APP: variants seen among roughly 807,000 people sequenced by gnomAD.
APP encodes the protein amyloid beta precursor protein.
Under a neutral mutation model 101.4 loss-of-function variants are expected in APP, and 31 were observed. The observed-to-expected ratio is 0.31, with a 90% CI of 0.23 to 0.41. APP has a LOEUF of 0.41. Among genes scored for constraint, APP ranks in the 10% least tolerant of loss-of-function variants. The pLI, the probability that APP is intolerant of heterozygous loss-of-function variation, is 1.00. For synonymous variants in APP, 366 were observed against 364.4 expected, an observed-to-expected ratio of 1.00 and a Z score of -0.05; for missense variants, 839 against 1,003.7, an observed-to-expected ratio of 0.84 and a Z score of 2.22.
chr21:26,035,781 G>C lies in APP; in HGVS notation c.663-13739C>G, dbSNP rs746959910. On this transcript the variant is annotated intron_variant, in intron 5 of 17. Coordinates refer to ENST00000346798, the MANE Select transcript of APP (RefSeq NM_000484.4). The stretch of plus-strand genomic sequence containing the variant: ...GGAGAGAGAACGAGAGCAGAGATTA[G>C]CAGGATACGGAAATAACTCCAGCAA... 7.9e-5 allele frequency among the ~76,000 whole-genome samples: 12 copies of C among 152,194 alleles called. 1 individual carries two copies. Among genetic ancestry groups the C allele is most frequent in the Non-Finnish European group, 1.8e-4 (12 of 68,034 alleles).
At chr21:26,035,874 G>C (rs961657739) in intron 5 of APP, among the ~76,000 whole-genome samples, 7 of 152,162 alleles carry the variant, frequency 4.6e-5, no homozygotes, top group Non-Finnish European at 7.4e-5. Context: ...GAATTCATAG[G>C]ATGTGCAGAA....
chr21:25,955,900 T>C (rs1450813334), intron 11 of APP, 145 bp from the exon 12 acceptor site: 4 of 1,144,100 alleles, frequency 3.5e-6, no homozygotes, highest in Non-Finnish European at 1.3e-6. Context: ...CTTCTAAACA[T>C]TTCTCCTACT....
chr21:25,891,640 A>G (rs2037702507), intron 17 of APP, 82 bp downstream of exon 17: 1 of 1,341,056 alleles, frequency 7.5e-7, no homozygotes, highest in Non-Finnish European at 1.1e-6. Context: ...AGAGATACTT[A>G]GCTAGTTCTT....
chr21:26,036,473 C>A (rs2045115550), intron 5 of APP, among the ~76,000 whole-genome samples: 1 of 152,132 alleles, frequency 6.6e-6, no homozygotes, highest in Non-Finnish European at 1.5e-5. Flanking sequence ...TGTCTGGATT[C>A]TTGAGCCCAG....
At chr21:25,995,385 T>C (rs993231428) in intron 8 of APP, among the ~76,000 whole-genome samples, 1 of 152,192 alleles carries the variant, frequency 6.6e-6, no homozygotes, top group Non-Finnish European at 1.5e-5. Context: ...GAATCGCAAA[T>C]GTGATTTCAC....
At chr21:25,981,210 GATTA>G (rs1281533636) in intron 9 of APP, among the ~76,000 whole-genome samples, 3 of 152,212 alleles carry the variant, frequency 2.0e-5, no homozygotes, top group African/African-American at 4.8e-5. Flanking sequence ...TTACAGGAAA[GATTA>G]ATTGTCTACT....
At position 26,090,200 on chromosome 21, in the gene APP, T is replaced by C. The variant is rs115412518; in HGVS notation, c.226-128A>G. The stretch of plus-strand genomic sequence containing the variant: ...TATCCAAAATGCTTGGGACCAGAAG[T>C]GCTTTCAAGGTCTCTGACTTTTTCC... On this transcript the variant is annotated intron_variant, in intron 2 of 17. Coordinates refer to ENST00000346798, the MANE Select transcript of APP (RefSeq NM_000484.4). 3.2e-4 allele frequency: 445 copies of C among 1,405,270 alleles called. 3 individuals carry two copies. The African/African-American group carries it at 5.7e-3, about 18-fold the overall frequency. The allele number at this position is 1,405,270 out of a possible 1,614,324, so 87.1% of individuals were successfully genotyped here.
At chr21:26,009,053 C>G (rs975161395) in intron 6 of APP, among the ~76,000 whole-genome samples, 1 of 152,078 alleles carries the variant, frequency 6.6e-6, no homozygotes, top group Non-Finnish European at 1.5e-5. Flanking sequence ...TTGGATAACT[C>G]GAATGGATAT....
intron 3 of APP, among the ~76,000 whole-genome samples, chr21:26,076,481 G>A (rs2061499207): frequency 6.6e-6 from 1 of 152,172 alleles, no homozygotes; most frequent in South Asian, 2.1e-4. Flanking sequence ...GAACAAACAC[G>A]TGTCACTAAA....
chr21:26,119,187 G>T (rs562886958), intron 1 of APP, among the ~76,000 whole-genome samples: 1 of 152,230 alleles, frequency 6.6e-6, no homozygotes, highest in South Asian at 2.1e-4. Flanking sequence ...AAGCCAGCTG[G>T]CATTCCTGGT....
intron 17 of APP, among the ~76,000 whole-genome samples, chr21:25,882,774 G>C (rs903379365): frequency 6.6e-6 from 1 of 152,190 alleles, no homozygotes; most frequent in Non-Finnish European, 1.5e-5. Context: ...GAATGAAGAG[G>C]CATGTTTTCC....
At chr21:25,911,600 T>C (rs1601377433) in intron 14 of APP, 141 bp downstream of exon 14, 2 of 701,794 alleles carry the variant, frequency 2.8e-6, no homozygotes, top group African/African-American at 3.6e-5. Flanking sequence ...AAAGTAAAAT[T>C]ATAATGAAAA....
rs45569835 is a variant in APP, at chr21:26,146,364, T to A, written c.57+24200A>T. 1.9e-3 allele frequency among the ~76,000 whole-genome samples: 287 copies of A among 152,354 alleles called. 2 individuals carry two copies. Among genetic ancestry groups the A allele is most frequent in the African/African-American group, 6.5e-3 (272 of 41,596 alleles). ...GATGAAAATGCCAATCTGGCAAGCC[T>A]TTTTAGTCTTTGCCCATCAGGGTTT... is the stretch of plus-strand genomic sequence containing the variant. On this transcript the variant is annotated intron_variant, in intron 1 of 17. Transcript: ENST00000346798.
chr21:26,090,970 T>C (rs1015953486), intron 2 of APP, among the ~76,000 whole-genome samples: 1 of 152,228 alleles, frequency 6.6e-6, no homozygotes, highest in Non-Finnish European at 1.5e-5. Context: ...ACTGAGCACT[T>C]AGAATGAAAT....
At chr21:25,961,428 T>A (rs1457549500) in intron 11 of APP, among the ~76,000 whole-genome samples, 1 of 152,196 alleles carries the variant, frequency 6.6e-6, no homozygotes, top group Non-Finnish European at 1.5e-5. Flanking sequence ...TGTCTCAGAT[T>A]TGCTGGGTTC....
chr21:25,939,986 T>A (rs1049994104), intron 13 of APP, among the ~76,000 whole-genome samples: 4 of 152,170 alleles, frequency 2.6e-5, no homozygotes, highest in African/African-American at 9.7e-5. Context: ...GAGTATAGTA[T>A]CTTGGAAGAA....
intron 1 of APP, among the ~76,000 whole-genome samples, chr21:26,164,348 G>A (rs2063561805): frequency 2.6e-5 from 4 of 152,222 alleles, no homozygotes. Context: ...GTCCTTGGGT[G>A]AACATAACTT....
chr21:26,128,790 GA>G (rs1263496699), intron 1 of APP, among the ~76,000 whole-genome samples: 1 of 152,016 alleles, frequency 6.6e-6, no homozygotes, highest in African/African-American at 2.4e-5. Flanking sequence ...AAATGTATTT[GA>G]CCGTGGGCCA....
In APP at chr21:26,042,299, G is replaced by A. The variant is rs113123410; in HGVS notation, c.662+8701C>T. On this transcript the variant is annotated intron_variant, in intron 5 of 17. Coordinates refer to ENST00000346798, the MANE Select transcript of APP (RefSeq NM_000484.4). ...AATTTTAAAGACAAAGTACTGAATA[G>A]ACATAAATTCTCATGACAGCCTGAG... 1.6e-3 allele frequency among the ~76,000 whole-genome samples: 246 copies of A among 152,238 alleles called. 1 individual carries two copies. The highest frequency in any genetic ancestry group is 5.6e-3 in the African/African-American group (231 of 41,526).
Sources: gnomAD v4.1 joint callset for allele counts (sites outside exome capture counted in the v4.1 genomes callset) on GRCh38, gnomAD v4.1.1 for gene constraint, MANE v1.5 for transcripts, NCBI Gene and HGNC (gene_info 2026-07-23, HGNC 2026-07-21) for gene names.